The following PCDH11Y variants were observed in gnomAD, a reference collection of about 807,000 sequenced individuals.
The protein encoded by PCDH11Y is protocadherin 11 Y-linked.
For missense variants in PCDH11Y, 12 were observed against 224.8 expected, an observed-to-expected ratio of 0.05 and a Z score of 6.05; for synonymous variants, 9 against 83.6, an observed-to-expected ratio of 0.11 and a Z score of 4.87.
At chrY:5,053,809 G>A (rs1449167148), upstream of PCDH11Y, among the ~76,000 whole-genome samples, 138 of 30,962 alleles carry the variant, frequency 4.5e-3, no homozygotes, top group East Asian at 0.065. Flanking sequence ...GCAAACTATT[G>A]CAAGGACAGA....
intron 4 of PCDH11Y, among the ~76,000 whole-genome samples, chrY:5,716,456 T>G: frequency 1.6e-4 from 5 of 31,865 alleles, no homozygotes; most frequent in Admixed American, 1.5e-3. Flanking sequence ...AAACTGAAAT[T>G]GAAATTAAAA....
At chrY:5,361,559 CT>C (rs1470185920) in intron 2 of PCDH11Y, among the ~76,000 whole-genome samples, 114 of 23,375 alleles carry the variant, frequency 4.9e-3, no homozygotes, top group Non-Finnish European at 8.1e-3. Context: ...TTTCTTTTTT[CT>C]TTTTTTTTTT....
intron 2 of PCDH11Y, among the ~76,000 whole-genome samples, chrY:5,288,428 T>C (rs2053063013): frequency 3.1e-5 from 1 of 32,262 alleles, no homozygotes; most frequent in South Asian, 7.0e-4. Context: ...CTCAGCACTC[T>C]TGGGCTGTGT....
intron 2 of PCDH11Y, among the ~76,000 whole-genome samples, chrY:5,399,586 C>T (rs1232818097): frequency 3.7e-5 from 1 of 26,679 alleles, no homozygotes; most frequent in South Asian, 1.0e-3. Flanking sequence ...CTGCAACCTC[C>T]GCCTCCAGGG....
At chrY:5,702,009 G>A in intron 4 of PCDH11Y, among the ~76,000 whole-genome samples, 1 of 33,311 alleles carries the variant, frequency 3.0e-5, no homozygotes, top group South Asian at 6.8e-4. Flanking sequence ...CATGGGGCCT[G>A]TAGTCCCTTT....
chrY:5,549,827 C>A, intron 3 of PCDH11Y, among the ~76,000 whole-genome samples: 2 of 33,033 alleles, frequency 6.1e-5, no homozygotes, highest in African/African-American at 2.4e-4. Flanking sequence ...AGGCCATTAT[C>A]CTTAGCAAAC....
downstream of PCDH11Y, among the ~76,000 whole-genome samples, chrY:5,107,930 G>C (rs2052794595): frequency 3.2e-5 from 1 of 31,346 alleles, no homozygotes; most frequent in Non-Finnish European, 7.7e-5. Flanking sequence ...GTGGTGGCGG[G>C]CGCCTGTAGT....
intron 2 of PCDH11Y, among the ~76,000 whole-genome samples, chrY:5,173,087 TGTCA>T (rs2052888707): frequency 3.0e-5 from 1 of 33,027 alleles, no homozygotes; most frequent in African/African-American, 1.2e-4. Flanking sequence ...ATGCTACTTT[TGTCA>T]CCTGGGTAAC....
chrY:5,296,270 G>C, intron 2 of PCDH11Y, among the ~76,000 whole-genome samples: 2 of 32,859 alleles, frequency 6.1e-5, no homozygotes, highest in Middle Eastern at 0.029. Flanking sequence ...CTCTTTGGTA[G>C]TCTTGGATAA....
At chrY:5,682,239 G>GTTT (rs1201360365) in intron 4 of PCDH11Y, among the ~76,000 whole-genome samples, 1 of 2,428 alleles carries the variant, frequency 4.1e-4, no homozygotes, top group Non-Finnish European at 9.0e-4. Context: ...TTGGTACCGT[G>GTTT]TTTTTTTTTT....
At chrY:5,370,284 G>A (rs2053186085) in intron 2 of PCDH11Y, among the ~76,000 whole-genome samples, 1 of 31,686 alleles carries the variant, frequency 3.2e-5, no homozygotes, top group African/African-American at 1.2e-4. Context: ...AAACTATAAG[G>A]CTTCATGGAA....
At chrY:5,658,797 T>A in intron 4 of PCDH11Y, among the ~76,000 whole-genome samples, 4 of 33,502 alleles carry the variant, frequency 1.2e-4, no homozygotes, top group Non-Finnish European at 2.2e-4. Flanking sequence ...TGTCCCTGTT[T>A]CTCCAGGATT....
At chrY:5,597,258 AGT>A (rs2053467778) in intron 4 of PCDH11Y, among the ~76,000 whole-genome samples, 1 of 28,503 alleles carries the variant, frequency 3.5e-5, no homozygotes, top group Non-Finnish European at 8.1e-5. Context: ...TGTGTGTGTA[AGT>A]GTATATATAT....
chrY:5,473,149 T>C, intron 2 of PCDH11Y, among the ~76,000 whole-genome samples: 1 of 31,362 alleles, frequency 3.2e-5, no homozygotes, highest in South Asian at 7.4e-4. Context: ...AATATGCCAC[T>C]GTTAGCTTTT....
Position 5,142,800 on chromosome Y carries a change from C to T in PCDH11Y, c.3129+42093C>T. On this transcript the variant is annotated intron_variant, in intron 2 of 4. Transcript: ENST00000400457. The stretch of plus-strand genomic sequence containing the variant: ...GGTGTTAATCTAATGGCAGCACTGA[C>T]CTAGTGTCACACAGAGTCTATAAAT... 2.7e-4 allele frequency among the ~76,000 whole-genome samples: 9 copies of T among 33,190 alleles called. No homozygotes were observed. The South Asian group carries it at 2.7e-3, about 10-fold the overall frequency. 89.0% of individuals were successfully genotyped at this position (33,190 alleles called of 37,273 possible).
chrY:5,159,583 G>T, intron 2 of PCDH11Y, among the ~76,000 whole-genome samples: 1 of 25,639 alleles, frequency 3.9e-5, no homozygotes, highest in Non-Finnish European at 9.2e-5. Context: ...TTAAATTTTA[G>T]GGGGCTCTGG....
At chrY:5,695,168 C>A (rs2124711225) in intron 4 of PCDH11Y, among the ~76,000 whole-genome samples, 1 of 31,483 alleles carries the variant, frequency 3.2e-5, no homozygotes, top group African/African-American at 1.2e-4. Flanking sequence ...TATTTAAAAT[C>A]ATTACATCCT....
chrY:5,738,292 G>C, exon 5 of PCDH11Y: 1 of 73,697 alleles, frequency 1.4e-5, no homozygotes, highest in Non-Finnish European at 2.8e-5. Flanking sequence ...TGTGGAACCA[G>C]TATGTAGCAA....
intron 2 of PCDH11Y, among the ~76,000 whole-genome samples, chrY:5,181,960 T>C (rs2052900562): frequency 3.0e-5 from 1 of 33,463 alleles, no homozygotes; most frequent in Admixed American, 2.8e-4. Context: ...TCTGTGCCCT[T>C]GCTGGAGAGG....
Sources: gnomAD v4.1 joint callset for allele counts (sites outside exome capture counted in the v4.1 genomes callset) on GRCh38, gnomAD v4.1.1 for gene constraint, MANE v1.5 for transcripts, NCBI Gene and HGNC (gene_info 2026-07-23, HGNC 2026-07-21) for gene names.